The following POMK variants were observed in gnomAD, a reference collection of about 807,000 sequenced individuals.
POMK encodes protein O-mannose kinase, also known as Sugen kinase 196.
A neutral mutation model predicts 23.0 loss-of-function variants in POMK; 19 were observed. That is an observed-to-expected ratio of 0.83 (90% CI 0.58 to 1.21). The LOEUF is 1.21. Among genes scored for constraint, POMK ranks in the 50% most tolerant of loss-of-function variants. The pLI, the probability that POMK is intolerant of heterozygous loss-of-function variation, is 0.00. For missense variants in POMK, 410 were observed against 431.3 expected, an observed-to-expected ratio of 0.95 and a Z score of 0.44; for synonymous variants, 173 against 171.6, an observed-to-expected ratio of 1.01 and a Z score of -0.06.
At chr8:43,108,459 G>A (rs1171777594) in intron 4 of POMK, among the ~76,000 whole-genome samples, 1 of 152,154 alleles carries the variant, frequency 6.6e-6, no homozygotes, top group East Asian at 1.9e-4. Flanking sequence ...GAGAAATCAA[G>A]TAGAAACAAA....
chr8:43,100,355 T>G (rs776951876), intron 2 of POMK, among the ~76,000 whole-genome samples: 5 of 151,674 alleles, frequency 3.3e-5, no homozygotes, highest in South Asian at 2.1e-4. Context: ...GGTAGGGTGT[T>G]GAGGAAGTTC....
intron 1 of POMK, among the ~76,000 whole-genome samples, chr8:43,096,440 A>C (rs1385868182): frequency 6.6e-6 from 1 of 151,738 alleles, no homozygotes; most frequent in Non-Finnish European, 1.5e-5. Context: ...AGGTGGGCGG[A>C]TCACGAGGTC....
At chr8:43,100,890 T>C (rs1811427096) in intron 2 of POMK, among the ~76,000 whole-genome samples, 1 of 151,962 alleles carries the variant, frequency 6.6e-6, no homozygotes, top group Non-Finnish European at 1.5e-5. Context: ...GAGGACACTC[T>C]AGGAAGGGGC....
chr8:43,121,245 A>T (rs1462039508), intron 4 of POMK, among the ~76,000 whole-genome samples: 1 of 152,234 alleles, frequency 6.6e-6, no homozygotes, highest in African/African-American at 2.4e-5. Flanking sequence ...CTGGGGCAGG[A>T]ATCTCCTGAG....
intron 2 of POMK, among the ~76,000 whole-genome samples, chr8:43,102,108 A>G (rs1275478949): frequency 6.6e-6 from 1 of 152,170 alleles, no homozygotes; most frequent in African/African-American, 2.4e-5. Flanking sequence ...CAGGATGATG[A>G]TAGACCTATT....
At chr8:43,119,393 G>T (rs954683876) in intron 4 of POMK, among the ~76,000 whole-genome samples, 1 of 150,452 alleles carries the variant, frequency 6.6e-6, no homozygotes, top group Admixed American at 6.6e-5. Flanking sequence ...TTAAAAATTA[G>T]GAAATTTTTA....
At chr8:43,119,063 G>A (rs1048232157) in intron 4 of POMK, among the ~76,000 whole-genome samples, 2 of 152,066 alleles carry the variant, frequency 1.3e-5, no homozygotes, top group Non-Finnish European at 2.9e-5. Flanking sequence ...CACCCGCCTC[G>A]GCCTCTTGAA....
chr8:43,119,359 T>C (rs1811864314), intron 4 of POMK, among the ~76,000 whole-genome samples: 1 of 152,242 alleles, frequency 6.6e-6, no homozygotes, highest in South Asian at 2.1e-4. Context: ...TCTTGAACTT[T>C]TAGAATGTGG....
At chr8:43,104,835 G>A (rs1811515553) in intron 4 of POMK, among the ~76,000 whole-genome samples, 1 of 152,026 alleles carries the variant, frequency 6.6e-6, no homozygotes, top group African/African-American at 2.4e-5. Flanking sequence ...GGAAGCTCAG[G>A]TGGGAGAATC....
At chr8:43,107,027 C>G (rs1416836364) in intron 4 of POMK, among the ~76,000 whole-genome samples, 1 of 152,126 alleles carries the variant, frequency 6.6e-6, no homozygotes, top group Non-Finnish European at 1.5e-5. Flanking sequence ...GGTTCCAAGG[C>G]TTTCGTGACA....
intron 1 of POMK, among the ~76,000 whole-genome samples, chr8:43,093,898 T>C (rs995104240): frequency 2.0e-5 from 3 of 152,162 alleles, no homozygotes; most frequent in African/African-American, 7.2e-5. Context: ...CTGGGCAACA[T>C]GGCGGAACTT....
At position 43,122,873 on chromosome 8, in the gene POMK, T is replaced by C. The variant is rs758784196; in HGVS notation, c.1049T>C (p.Leu350Pro). 1.2e-6 allele frequency: 2 copies of C among 1,603,522 alleles called. No homozygotes were observed. Among genetic ancestry groups the C allele is most frequent in the Non-Finnish European group, 1.7e-6 (2 of 1,176,000 alleles). Residue 350 changes from leucine (L) to proline (P), a missense_variant, in exon 5 of 5, where the codon CTG (leucine) becomes CCG (proline). Coordinates refer to ENST00000331373, the MANE Select transcript of POMK (RefSeq NM_032237.5). ...DAMMSQAREML is the reference protein window; with the variant it reads ...DAMMSQAREMP ...ATGATGTCTCAGGCAAGAGAGATGC[T>C]GTGAAAACCAGTCCAGCCAATGAAG...
At chr8:43,103,284 A>G (rs1811479247) in intron 3 of POMK, among the ~76,000 whole-genome samples, 1 of 152,196 alleles carries the variant, frequency 6.6e-6, no homozygotes, top group Admixed American at 6.5e-5. Context: ...TCAGACACAA[A>G]CACCTCCCAC....
intron 4 of POMK, among the ~76,000 whole-genome samples, chr8:43,115,366 T>A (rs1355455277): frequency 2.0e-5 from 3 of 152,200 alleles, no homozygotes. Context: ...GACATGTACC[T>A]GGGGTTTCTG....
intron 4 of POMK, among the ~76,000 whole-genome samples, chr8:43,110,660 A>G (rs200869937): frequency 6.6e-6 from 1 of 152,200 alleles, no homozygotes; most frequent in Non-Finnish European, 1.5e-5. Context: ...GCTCACGCCT[A>G]TAATCCCAGC....
intron 4 of POMK, among the ~76,000 whole-genome samples, chr8:43,117,397 C>G (rs1001835044): frequency 2.0e-5 from 3 of 152,182 alleles, no homozygotes; most frequent in African/African-American, 7.2e-5. Flanking sequence ...GATCCATCAT[C>G]CATCGCAAAC....
chr8:43,098,951 ATTTG>A (rs1163030259), intron 2 of POMK, among the ~76,000 whole-genome samples: 1 of 152,048 alleles, frequency 6.6e-6, no homozygotes, highest in South Asian at 2.1e-4. Flanking sequence ...TAAAAATTTT[ATTTG>A]TTTATTTTTT....
At chr8:43,109,160 C>G (rs531035698) in intron 4 of POMK, among the ~76,000 whole-genome samples, 9 of 152,020 alleles carry the variant, frequency 5.9e-5, no homozygotes, top group African/African-American at 2.2e-4. Flanking sequence ...TGTTAAATAC[C>G]AAACGTTTAA....
chr8:43,104,084 C>G (rs1811501542), intron 4 of POMK, among the ~76,000 whole-genome samples: 2 of 151,926 alleles, frequency 1.3e-5, no homozygotes, highest in Non-Finnish European at 2.9e-5. Context: ...GCCCTGCTAG[C>G]TCTACGTTTT....
Sources: gnomAD v4.1 joint callset for allele counts (sites outside exome capture counted in the v4.1 genomes callset) on GRCh38, gnomAD v4.1.1 for gene constraint, MANE v1.5 for transcripts, NCBI Gene and HGNC (gene_info 2026-07-23, HGNC 2026-07-21) for gene names.